The following COL18A1 variants were observed in gnomAD, a reference collection of about 807,000 sequenced individuals.
COL18A1 encodes the protein collagen alpha-1(XVIII) chain.
In COL18A1, 133 loss-of-function variants were observed where a neutral mutation model predicts 168.0. The observed-to-expected ratio is 0.79, with a 90% CI of 0.69 to 0.91. The LOEUF is 0.91. Ranked by LOEUF, COL18A1 falls within the 40% of genes least tolerant of loss-of-function variation. The pLI is 0.00. For synonymous variants in COL18A1, 949 were observed against 809.0 expected (o/e 1.17, Z -2.94); for missense variants, 2,126 against 1,925.4 (o/e 1.10, Z -1.95).
intron 2 of COL18A1, among the ~76,000 whole-genome samples, chr21:45,442,726 G>A: frequency 1.0e-5 from 1 of 97,812 alleles, no homozygotes; most frequent in East Asian, 3.1e-4. Flanking sequence ...GTGGGCGGCG[G>A]TCCTGGTGTG....
At chr21:45,419,758 C>G (rs1426983753) in intron 2 of COL18A1, 3 of 152,162 alleles carry the variant, frequency 2.0e-5, no homozygotes, top group Non-Finnish European at 2.9e-5. Flanking sequence ...TGAAGTCCAA[C>G]AGGAGCATTA....
chr21:45,438,298 AC>A (rs1317787603), intron 2 of COL18A1, among the ~76,000 whole-genome samples: 2 of 103,976 alleles, frequency 1.9e-5, no homozygotes, highest in Admixed American at 9.1e-5. Flanking sequence ...CTGCACACAC[AC>A]ACACTCAGAC....
chr21:45,508,061 A>ATAGTGGGTAAG, intron 38 of COL18A1, among the ~76,000 whole-genome samples: 1 of 143,344 alleles, frequency 7.0e-6, no homozygotes, highest in Admixed American at 6.8e-5. Flanking sequence ...GGGGAGGTGG[A>ATAGTGGGTAAG]TGGATGAGTA....
chr21:45,436,084 G>A (rs1345339803), intron 2 of COL18A1, among the ~76,000 whole-genome samples: 2 of 152,220 alleles, frequency 1.3e-5, no homozygotes, highest in Non-Finnish European at 2.9e-5. Flanking sequence ...AGCACAATGT[G>A]CAGCGTTTGC....
chr21:45,485,374 T>C (rs1422279879), intron 15 of COL18A1, among the ~76,000 whole-genome samples: 2 of 150,834 alleles, frequency 1.3e-5, no homozygotes, highest in African/African-American at 4.9e-5. Context: ...CTCACACCTG[T>C]AATCCCAGCA....
chr21:45,435,802 T>A (rs1457759159), intron 2 of COL18A1, among the ~76,000 whole-genome samples: 1 of 152,130 alleles, frequency 6.6e-6, no homozygotes, highest in Non-Finnish European at 1.5e-5. Flanking sequence ...CTGGCACAGG[T>A]CTGCTCGGAG....
chr21:45,491,028 G>A (rs1438647926), intron 21 of COL18A1, among the ~76,000 whole-genome samples, 157 bp downstream of exon 21: 1 of 152,146 alleles, frequency 6.6e-6, no homozygotes, highest in African/African-American at 2.4e-5. Context: ...TTTCAGGCTG[G>A]GGGCAGCGTG....
intron 2 of COL18A1, among the ~76,000 whole-genome samples, chr21:45,467,660 G>C (rs564420902): frequency 2.0e-5 from 3 of 152,326 alleles, no homozygotes; most frequent in East Asian, 1.9e-4. Context: ...GAACACTGGG[G>C]TGTGGGGTCA....
chr21:45,429,661 T>G (rs1414352517), intron 2 of COL18A1, among the ~76,000 whole-genome samples: 1 of 152,182 alleles, frequency 6.6e-6, no homozygotes, highest in Non-Finnish European at 1.5e-5. Context: ...CCCAGGACGG[T>G]GGAGCTGGGA....
rs531647205 is a variant in COL18A1, at chr21:45,466,455, TTGAGCTCTCGCACCCGGGAAGGC to T, written c.107-1753_107-1731del. 4.4e-3 allele frequency among the ~76,000 whole-genome samples: 666 copies of T among 152,154 alleles called. 6 individuals are homozygous for T. Among genetic ancestry groups the T allele is most frequent in the African/African-American group, 0.015 (605 of 41,486 alleles). On this transcript the variant is annotated intron_variant, in intron 2 of 41. Coordinates refer to ENST00000651438, the MANE Select transcript of COL18A1 (RefSeq NM_001379500.1). ...GGCCGCCCCACCATACCCAGGAAGG[TTGAGCTCTCGCACCCGGGAAGGC>T]TGAGCTCTCGCACCCGGGAAGGCTG...
chr21:45,451,466 T>C (rs2034620287), intron 2 of COL18A1, among the ~76,000 whole-genome samples: 1 of 152,140 alleles, frequency 6.6e-6, no homozygotes, highest in Admixed American at 6.5e-5. Context: ...GCTGGGTGGC[T>C]GTGTTGTGGG....
intron 2 of COL18A1, among the ~76,000 whole-genome samples, chr21:45,462,073 A>G (rs1302335076): frequency 6.6e-6 from 1 of 151,988 alleles, no homozygotes; most frequent in East Asian, 1.9e-4. Context: ...TTCTTTTAGT[A>G]CATTGAATAT....
intron 2 of COL18A1, among the ~76,000 whole-genome samples, chr21:45,453,972 A>G (rs949296734): frequency 6.6e-6 from 1 of 152,178 alleles, no homozygotes; most frequent in African/African-American, 2.4e-5. Flanking sequence ...CCTTCCTGAG[A>G]TGCGCTGGTG....
rs1373708562 is a variant in COL18A1, at chr21:45,405,428, C to A, written c.61C>A (p.Pro21Thr). The A allele has an allele frequency of 7.3e-7, 1 of 1,373,072 alleles. No individual in the cohort carries two copies. The highest frequency in any genetic ancestry group is 3.4e-5 in the East Asian group (1 of 29,570). 85.1% of individuals were successfully genotyped at this position (1,373,072 alleles called of 1,614,324 possible). A position where few individuals can be genotyped will look rare whatever the true frequency, so the allele number is the denominator to read the frequency against. Reference protein sequence around the residue: ...RRRRLLDVLAPLVLLLGVRAA... With the variant: ...RRRRLLDVLATLVLLLGVRAA... ...GCGGCGCCTCCTGGACGTGCTCGCGCCCCTGGTCCTGCTGCTCGGGGTCCG... is the reference window on the plus strand; with the variant it reads ...GCGGCGCCTCCTGGACGTGCTCGCGACCCTGGTCCTGCTGCTCGGGGTCCG... The change falls in exon 2 of 42, where the codon CCC (proline) becomes ACC (threonine). Residue 21 changes from proline to threonine, a missense_variant. Physicochemically the swap from Pro to Thr is conservative, Grantham distance 38. Transcript: ENST00000651438.
intron 19 of COL18A1, 77 bp from the exon 20 acceptor site, chr21:45,490,198 C>T (rs550941223): frequency 1.4e-4 from 170 of 1,234,478 alleles, no homozygotes; most frequent in Middle Eastern, 4.8e-4. Context: ...TCCACGGGTG[C>T]CCCGGACTCC....
Position 45,486,943 on chromosome 21 carries a change from GC to G in COL18A1, c.1790del (p.Pro597LeufsTer127). 2.0e-6 allele frequency: 3 copies of G among 1,491,596 alleles called. No individual in the cohort carries two copies. Among genetic ancestry groups the G allele is most frequent in the Admixed American group, 2.3e-5 (1 of 42,566 alleles). The allele number at this position is 1,491,596 out of a possible 1,614,324, so 92.4% of individuals were successfully genotyped here. A position where few individuals can be genotyped will look rare whatever the true frequency, so the allele number is the denominator to read the frequency against. Reference sequence around the variant, plus strand: ...GCCCCCGGACCTGCTGGACCACCAGGCCCCCCTGGGCCCCCTGGGCCCCCAG... The same window carrying G: ...GCCCCCGGACCTGCTGGACCACCAGGCCCCCTGGGCCCCCTGGGCCCCCAG... Reference protein sequence around the residue: ...AGAPGPAGPPGPPGPPGPPGP... With the variant: ...AGAPGPAGPPXPPGPPGPPGP... On this transcript the variant is annotated frameshift_variant, in exon 16 of 42. Coordinates refer to ENST00000651438, the MANE Select transcript of COL18A1 (RefSeq NM_001379500.1). LOFTEE classifies it high-confidence loss of function.
intron 14 of COL18A1, 144 bp downstream of exon 14, chr21:45,482,169 C>T: frequency 1.5e-6 from 1 of 683,550 alleles, no homozygotes; most frequent in Non-Finnish European, 2.6e-6. Context: ...GCCTCGCGCT[C>T]TGGAGGTCAC....
intron 2 of COL18A1, among the ~76,000 whole-genome samples, chr21:45,438,111 G>A (rs1398825568): frequency 3.9e-5 from 2 of 51,886 alleles, no homozygotes; most frequent in African/African-American, 2.0e-4. Flanking sequence ...CTCACACTCA[G>A]ACACACAGGC....
At chr21:45,476,233 T>G in intron 5 of COL18A1, 118 bp from the exon 6 acceptor site, 2 of 1,471,236 alleles carry the variant, frequency 1.4e-6, no homozygotes, top group Non-Finnish European at 1.8e-6. Flanking sequence ...CCCTCCTGTT[T>G]CAGAGGATTT....
Sources: allele counts gnomAD v4.1 joint callset (sites outside exome capture counted in the v4.1 genomes callset), GRCh38; gene constraint gnomAD v4.1.1; transcripts MANE v1.5; gene names NCBI Gene and HGNC (gene_info 2026-07-23, HGNC 2026-07-21).